Variants in LINGO2 observed in about 807,000 individuals in gnomAD.
LINGO2 encodes leucine rich repeat and Ig domain containing 2.
A neutral mutation model predicts 30.6 loss-of-function variants in LINGO2; 14 were observed. The ratio of observed to expected loss-of-function variants is 0.46; its 90% CI spans 0.30 to 0.72. LINGO2 has a LOEUF of 0.72. Ranked by LOEUF, LINGO2 falls within the 30% of genes least tolerant of loss-of-function variation. The pLI, the probability that LINGO2 is intolerant of heterozygous loss-of-function variation, is 0.07. For synonymous variants in LINGO2, 317 were observed against 288.5 expected (o/e 1.10, Z -1.00); for missense variants, 729 against 751.7 (o/e 0.97, Z 0.35).
chr9:29,099,760 G>A, the LINGO2 span, among the ~76,000 whole-genome samples: 1 of 152,106 alleles, frequency 6.6e-6, no homozygotes, highest in East Asian at 1.9e-4. Context: ...TGGAGAAAAG[G>A]CAACATCATA....
chr9:28,574,808 G>T (rs572598289), intron 1 of LINGO2, among the ~76,000 whole-genome samples: 13 of 152,164 alleles, frequency 8.5e-5, no homozygotes, highest in African/African-American at 3.1e-4. Flanking sequence ...TCTAGTTGAG[G>T]GACATAAGGC....
chr9:28,453,673 C>G (rs561091647), intron 2 of LINGO2, among the ~76,000 whole-genome samples: 1 of 151,790 alleles, frequency 6.6e-6, no homozygotes, highest in East Asian at 1.9e-4. Context: ...AAAATCATAC[C>G]AGATTTCTTG....
At chr9:28,306,336 A>G (rs1365823543) in intron 3 of LINGO2, among the ~76,000 whole-genome samples, 1 of 151,918 alleles carries the variant, frequency 6.6e-6, no homozygotes, top group Non-Finnish European at 1.5e-5. Flanking sequence ...ACAATGGAGG[A>G]AGGAAGAAAT....
the LINGO2 span, among the ~76,000 whole-genome samples, chr9:28,728,561 A>T: frequency 6.6e-6 from 1 of 152,272 alleles, no homozygotes; most frequent in African/African-American, 2.4e-5. Flanking sequence ...AAACTGTAAA[A>T]GTTGTCAAAA....
intron 4 of LINGO2, among the ~76,000 whole-genome samples, chr9:28,168,622 G>T (rs1828497784): frequency 6.6e-6 from 1 of 152,158 alleles, no homozygotes; most frequent in Admixed American, 6.5e-5. Flanking sequence ...TTTCAAAATG[G>T]GCAAGTAACG....
intron 1 of LINGO2, among the ~76,000 whole-genome samples, chr9:28,578,532 G>A (rs16913319): frequency 0.025 from 3,852 of 152,012 alleles, 136 homozygotes; most frequent in African/African-American, 0.085. Flanking sequence ...GAAATAAGAC[G>A]TCTCTTACAA....
At chr9:28,607,233 T>C (rs1346055879) in intron 1 of LINGO2, among the ~76,000 whole-genome samples, 1 of 152,072 alleles carries the variant, frequency 6.6e-6, no homozygotes, top group African/African-American at 2.4e-5. Flanking sequence ...GATTGATTGA[T>C]ACTGACACCT....
At chr9:29,201,878 G>A in the LINGO2 span, among the ~76,000 whole-genome samples, 8 of 151,924 alleles carry the variant, frequency 5.3e-5, no homozygotes, top group South Asian at 2.1e-4. Context: ...AAACTAACAC[G>A]TCATGAGACG....
the LINGO2 span, among the ~76,000 whole-genome samples, chr9:28,695,952 GTTTC>G: frequency 6.6e-6 from 1 of 151,810 alleles, no homozygotes; most frequent in Non-Finnish European, 1.5e-5. Context: ...TTACATTGAT[GTTTC>G]TTTATGCTAT....
intron 4 of LINGO2, among the ~76,000 whole-genome samples, chr9:28,235,735 T>C (rs960964434): frequency 3.9e-5 from 6 of 152,032 alleles, no homozygotes; most frequent in Non-Finnish European, 7.4e-5. Flanking sequence ...GCAGAAATGA[T>C]CAAGCAGAAA....
At chr9:28,318,149 T>C (rs1439228728) in intron 3 of LINGO2, among the ~76,000 whole-genome samples, 55 of 152,142 alleles carry the variant, frequency 3.6e-4, no homozygotes, top group Admixed American at 3.6e-3. Flanking sequence ...TGCTTCACAA[T>C]CGGAACAAGA....
the LINGO2 span, among the ~76,000 whole-genome samples, chr9:29,135,365 C>T: frequency 6.6e-6 from 1 of 152,072 alleles, no homozygotes; most frequent in Admixed American, 6.6e-5. Flanking sequence ...TGAGACCATC[C>T]TGGCCAACAT....
At chr9:28,873,940 T>C in the LINGO2 span, among the ~76,000 whole-genome samples, 7 of 151,888 alleles carry the variant, frequency 4.6e-5, no homozygotes, top group African/African-American at 1.7e-4. Flanking sequence ...CTAATACTAA[T>C]TGAAAATACA....
At chr9:28,460,539 T>G (rs576064313) in intron 2 of LINGO2, among the ~76,000 whole-genome samples, 141 of 152,090 alleles carry the variant, frequency 9.3e-4, no homozygotes, top group South Asian at 2.5e-3. Flanking sequence ...AAGAATATAG[T>G]GCAATAGGGG....
intron 2 of LINGO2, among the ~76,000 whole-genome samples, chr9:28,463,787 A>G (rs1825181432): frequency 6.6e-6 from 1 of 152,152 alleles, no homozygotes; most frequent in South Asian, 2.1e-4. Context: ...TACTGAAAAT[A>G]GGGTAAGCCT....
chr9:28,779,736 T>A, the LINGO2 span, among the ~76,000 whole-genome samples: 1 of 152,052 alleles, frequency 6.6e-6, no homozygotes, highest in Non-Finnish European at 1.5e-5. Context: ...CACAGGAAAA[T>A]TTTTCTAATG....
chr9:28,227,522 T>C (rs1821210804), intron 4 of LINGO2, among the ~76,000 whole-genome samples: 1 of 152,136 alleles, frequency 6.6e-6, no homozygotes, highest in Admixed American at 6.5e-5. Flanking sequence ...TCTCCCCTTC[T>C]ATGTGGCTGG....
At chr9:28,151,479 G>T (rs1827999100) in intron 4 of LINGO2, among the ~76,000 whole-genome samples, 1 of 151,790 alleles carries the variant, frequency 6.6e-6, no homozygotes, top group Non-Finnish European at 1.5e-5. Context: ...ATGATATTTA[G>T]ATTGAATGGT....
chr9:28,020,669 G>T (rs957662369), intron 4 of LINGO2, among the ~76,000 whole-genome samples: 1 of 152,166 alleles, frequency 6.6e-6, no homozygotes, highest in African/African-American at 2.4e-5. Context: ...GAACCATCTG[G>T]GCCTGGTGCA....
Sources: allele counts gnomAD v4.1 joint callset (sites outside exome capture counted in the v4.1 genomes callset), GRCh38; gene constraint gnomAD v4.1.1; transcripts MANE v1.5; gene names NCBI Gene and HGNC (gene_info 2026-07-23, HGNC 2026-07-21).